Variants in ETV6 observed in about 807,000 individuals in gnomAD.
The protein encoded by ETV6 is ETS variant transcription factor 6.
In ETV6, 16 loss-of-function variants were observed where a neutral mutation model predicts 51.1. That is an observed-to-expected ratio of 0.31 (90% CI 0.21 to 0.48). The LOEUF is 0.48. ETV6 is among the 20% of genes least tolerant of loss of function. The probability of loss-of-function intolerance (pLI) is 0.99; values close to 1 mark genes in which losing one functional copy is unlikely to be tolerated. For synonymous variants in ETV6, 240 were observed against 224.1 expected (o/e 1.07, Z -0.64); for missense variants, 458 against 594.8 (o/e 0.77, Z 2.39).
intron 1 of ETV6, among the ~76,000 whole-genome samples, chr12:11,666,417 A>C (rs190656836): frequency 6.6e-6 from 1 of 152,330 alleles, no homozygotes; most frequent in Non-Finnish European, 1.5e-5. Flanking sequence ...GACTAGAAAA[A>C]CAACTCAAAG....
At chr12:11,746,106 G>A (rs1865903861) in intron 1 of ETV6, among the ~76,000 whole-genome samples, 1 of 152,192 alleles carries the variant, frequency 6.6e-6, no homozygotes, top group African/African-American at 2.4e-5. Flanking sequence ...CTTGGCTTAG[G>A]CAGCTCTGTT....
chr12:11,715,367 C>G (rs570880699), intron 1 of ETV6, among the ~76,000 whole-genome samples: 115 of 152,216 alleles, frequency 7.6e-4, no homozygotes, highest in African/African-American at 2.6e-3. Context: ...ACCAGGAATG[C>G]AACTTGAGGT....
At chr12:11,809,892 T>C (rs1185052625) in intron 2 of ETV6, among the ~76,000 whole-genome samples, 1 of 138,986 alleles carries the variant, frequency 7.2e-6, no homozygotes, top group Admixed American at 7.9e-5. Flanking sequence ...TGATCTCAGC[T>C]CACTGCAACT....
At chr12:11,823,476 T>C (rs576696822) in intron 2 of ETV6, among the ~76,000 whole-genome samples, 1 of 151,532 alleles carries the variant, frequency 6.6e-6, no homozygotes, top group African/African-American at 2.4e-5. Flanking sequence ...TTTCTTTTTT[T>C]TTTTTTTTGA....
At chr12:11,732,298 A>G (rs1050724222) in intron 1 of ETV6, among the ~76,000 whole-genome samples, 9 of 152,316 alleles carry the variant, frequency 5.9e-5, no homozygotes, top group South Asian at 2.1e-4. Context: ...AACGAAAACA[A>G]GAACTGCTAA....
rs71457107 is a variant in ETV6, at chr12:11,844,457, A to G, written c.328+5153A>G. ...ACCCACCAGAACCTTTGTCTTTGGA[A>G]ATATGCTTTGCTTATATTTTTCAAA... On this transcript the variant is annotated intron_variant, in intron 3 of 7. Transcript: ENST00000396373. Among the ~76,000 whole-genome samples, 265 of 152,308 alleles carry G rather than the reference A, an allele frequency of 1.7e-3. 1 individual carries two copies. The highest frequency in any genetic ancestry group is 3.2e-3 in the Non-Finnish European group (216 of 68,034).
chr12:11,745,439 A>G (rs576438717), intron 1 of ETV6, among the ~76,000 whole-genome samples: 3 of 152,338 alleles, frequency 2.0e-5, no homozygotes, highest in Admixed American at 1.3e-4. Context: ...TGCTACTACA[A>G]GCAAGCCTTG....
rs1224034976 is a variant in ETV6, at chr12:11,756,380, A to AT, written c.163+3807dup. On this transcript the variant is annotated intron_variant, in intron 2 of 7. Transcript: ENST00000396373. ...TTGTTGAGAGGATAGAAAGGGCATCATTTTTTCTTCTTCTTCCTCTTCTTC... is the reference window on the plus strand; with the variant it reads ...TTGTTGAGAGGATAGAAAGGGCATCATTTTTTTCTTCTTCTTCCTCTTCTTC... Among the ~76,000 whole-genome samples, 4 of 152,022 alleles carry AT rather than the reference A, an allele frequency of 2.6e-5. No homozygotes were observed. In the South Asian group the frequency reaches 8.3e-4, roughly 32 times the overall value.
chr12:11,737,374 T>A (rs924792216), intron 1 of ETV6, among the ~76,000 whole-genome samples: 1 of 152,196 alleles, frequency 6.6e-6, no homozygotes, highest in Non-Finnish European at 1.5e-5. Context: ...CTCAACACGT[T>A]TATGCAACTA....
intron 2 of ETV6, among the ~76,000 whole-genome samples, chr12:11,816,048 A>C (rs992590993): frequency 6.6e-6 from 1 of 152,170 alleles, no homozygotes; most frequent in Non-Finnish European, 1.5e-5. Context: ...GGCAGAAAAC[A>C]GTCTGCCAAG....
intron 2 of ETV6, among the ~76,000 whole-genome samples, chr12:11,836,935 C>T (rs1946325110): frequency 6.6e-6 from 1 of 152,246 alleles, no homozygotes; most frequent in Non-Finnish European, 1.5e-5. Context: ...CTAATGGGAA[C>T]TCCCTGTGTG....
intron 2 of ETV6, among the ~76,000 whole-genome samples, chr12:11,806,761 G>C (rs529785010): frequency 2.6e-5 from 4 of 152,126 alleles, no homozygotes; most frequent in Admixed American, 2.0e-4. Flanking sequence ...TTCTGTGTAG[G>C]GATAAATAGC....
intron 2 of ETV6, among the ~76,000 whole-genome samples, chr12:11,771,717 C>T (rs1002851146): frequency 6.6e-6 from 1 of 152,218 alleles, no homozygotes; most frequent in Non-Finnish European, 1.5e-5. Flanking sequence ...TTCATATAAC[C>T]AACACCATGT....
chr12:11,830,103 A>C (rs1396313976), intron 2 of ETV6, among the ~76,000 whole-genome samples: 1 of 152,128 alleles, frequency 6.6e-6, no homozygotes, highest in Non-Finnish European at 1.5e-5. Flanking sequence ...CTCTGAGGAC[A>C]CTTGGTTTTC....
intron 1 of ETV6, among the ~76,000 whole-genome samples, chr12:11,722,907 C>T (rs189645545): frequency 7.2e-4 from 109 of 152,288 alleles, no homozygotes; most frequent in African/African-American, 2.4e-3. Context: ...GTTGCTGGGC[C>T]GTTCTCTCAG....
chr12:11,667,614 C>T (rs1015006258), intron 1 of ETV6, among the ~76,000 whole-genome samples: 6 of 150,644 alleles, frequency 4.0e-5, no homozygotes, highest in South Asian at 4.2e-4. Flanking sequence ...CTCACTGCCT[C>T]GACCTCCTGG....
At chr12:11,717,505 A>G (rs144968540) in intron 1 of ETV6, among the ~76,000 whole-genome samples, 17 of 152,334 alleles carry the variant, frequency 1.1e-4, no homozygotes, top group African/African-American at 3.8e-4. Context: ...CCTATAGTGT[A>G]ATACAGTAAC....
intron 1 of ETV6, among the ~76,000 whole-genome samples, chr12:11,693,696 A>G (rs1425555503): frequency 1.3e-5 from 2 of 152,118 alleles, no homozygotes; most frequent in African/African-American, 4.8e-5. Context: ...TCTGCTACCC[A>G]CTTCTGGTGT....
chr12:11,665,237 G>A (rs1165628247), intron 1 of ETV6, among the ~76,000 whole-genome samples: 2 of 152,198 alleles, frequency 1.3e-5, no homozygotes, highest in African/African-American at 4.8e-5. Context: ...GGGCTCAAGT[G>A]ATCCGCCCAA....
Sources: allele counts gnomAD v4.1 joint callset (sites outside exome capture counted in the v4.1 genomes callset), GRCh38; gene constraint gnomAD v4.1.1; transcripts MANE v1.5; gene names NCBI Gene and HGNC (gene_info 2026-07-23, HGNC 2026-07-21).